Variants in COL13A1 observed in about 807,000 individuals in gnomAD.
COL13A1 encodes collagen alpha-1(XIII) chain.
A neutral mutation model predicts 130.9 loss-of-function variants in COL13A1; 89 were observed. That is an observed-to-expected ratio of 0.68 (90% confidence interval 0.57 to 0.81). COL13A1 has a LOEUF of 0.81. COL13A1 is among the 30% of genes least tolerant of loss of function. The pLI is 0.00. For missense variants in COL13A1, 879 were observed against 934.6 expected (o/e 0.94, Z 0.78); for synonymous variants, 402 against 341.6 (o/e 1.18, Z -1.95).
intron 7 of COL13A1, among the ~76,000 whole-genome samples, chr10:69,882,990 G>T (rs1256164270): frequency 2.0e-5 from 3 of 152,224 alleles, no homozygotes; most frequent in Non-Finnish European, 2.9e-5. Context: ...CTTGGTGGCA[G>T]CCAGGGATGA....
intron 22 of COL13A1, 134 bp downstream of exon 22, chr10:69,922,069 C>T: frequency 8.5e-7 from 1 of 1,179,316 alleles, no homozygotes; most frequent in Non-Finnish European, 1.2e-6. Flanking sequence ...TGGAACACAG[C>T]CAGATTCTGT....
chr10:69,823,411 C>T (rs1846623776), intron 2 of COL13A1, among the ~76,000 whole-genome samples: 1 of 152,166 alleles, frequency 6.6e-6, no homozygotes, highest in Non-Finnish European at 1.5e-5. Flanking sequence ...GACAAGGTAT[C>T]ACATTTAAGT....
chr10:69,815,035 G>A (rs1047066175), intron 1 of COL13A1, among the ~76,000 whole-genome samples: 2 of 152,186 alleles, frequency 1.3e-5, no homozygotes, highest in African/African-American at 2.4e-5. Flanking sequence ...TTGCCTCTGC[G>A]TTATCTCATT....
intron 38 of COL13A1, among the ~76,000 whole-genome samples, chr10:69,949,025 C>T (rs1334194265): frequency 6.6e-6 from 1 of 152,190 alleles, no homozygotes; most frequent in Non-Finnish European, 1.5e-5. Context: ...AGGTGGCACG[C>T]ACCTTTCTTT....
chr10:69,927,656 C>T (rs2065551073), intron 27 of COL13A1, among the ~76,000 whole-genome samples: 1 of 152,136 alleles, frequency 6.6e-6, no homozygotes, highest in Non-Finnish European at 1.5e-5. Flanking sequence ...AGTTTAACTT[C>T]TAAGGTAGAG....
rs1016432722 is a variant in COL13A1, at chr10:69,827,313, T to G, written c.364+4875T>G. On this transcript the variant is annotated intron_variant, in intron 2 of 40. Transcript: ENST00000645393. ...CCTCTGTCCAGTAGGAGGCAAATGA[T>G]TTCATCCAGAGGGTGATTGATTGGT... Among the ~76,000 whole-genome samples, 5 of 152,288 alleles carry G rather than the reference T, an allele frequency of 3.3e-5. No homozygotes were observed. The South Asian group carries it at 1.0e-3, about 32-fold the overall frequency.
At chr10:69,942,551 C>T (rs79996378) in intron 35 of COL13A1, among the ~76,000 whole-genome samples, 4,650 of 152,258 alleles carry the variant, frequency 0.031, 94 homozygotes, top group Non-Finnish European at 0.039. Context: ...CTTTATTTTC[C>T]TCATAAAATC....
chr10:69,802,814 T>G, intron 1 of COL13A1, 97 bp downstream of exon 1: 6 of 1,487,944 alleles, frequency 4.0e-6, no homozygotes, highest in Non-Finnish European at 5.5e-6. Context: ...GCTCGCTCTC[T>G]GCGAGCCCCA....
chr10:69,883,105 A>T (rs758558946), intron 7 of COL13A1, among the ~76,000 whole-genome samples: 6 of 152,126 alleles, frequency 3.9e-5, no homozygotes, highest in Non-Finnish European at 8.8e-5. Flanking sequence ...CCCCTCTTGG[A>T]GTTTGATAAA....
At chr10:69,927,164 T>A in intron 27 of COL13A1, 54 bp downstream of exon 27, 4 of 1,608,476 alleles carry the variant, frequency 2.5e-6, no homozygotes, top group Non-Finnish European at 3.4e-6. Flanking sequence ...GGGCTGGGGA[T>A]GGCAGCCTGG....
chr10:69,896,199 T>A (rs1185646784), intron 13 of COL13A1, among the ~76,000 whole-genome samples: 2 of 152,106 alleles, frequency 1.3e-5, no homozygotes, highest in Non-Finnish European at 2.9e-5. Flanking sequence ...CAGGCTGAGA[T>A]GGTTCCTCTG....
At chr10:69,891,341 C>T (rs1006990352) in intron 10 of COL13A1, among the ~76,000 whole-genome samples, 8 of 152,106 alleles carry the variant, frequency 5.3e-5, no homozygotes, top group Admixed American at 6.5e-5. Flanking sequence ...AGCATTCAAC[C>T]GAGAGAAAAT....
rs373143216 is a variant in COL13A1 at position 69,889,435 on chromosome 10, G to A, written c.598G>A (p.Asp200Asn). 139 of 1,611,784 alleles carry A rather than the reference G, an allele frequency of 8.6e-5. No homozygotes were observed. The highest frequency in any genetic ancestry group is 1.0e-4 in the Non-Finnish European group (123 of 1,179,152). Residue 200 changes from aspartate to asparagine, a missense_variant, in exon 10 of 41, where the codon GAC (aspartate) becomes AAC (asparagine). Asp to Asn is a conservative substitution (Grantham distance 23, BLOSUM62 1). Coordinates refer to ENST00000645393, the MANE Select transcript of COL13A1 (RefSeq NM_001368882.1). ...GKPGHPGPKGDMGLTGPPGQP... is the reference protein window; with the variant it reads ...GKPGHPGPKGNMGLTGPPGQP... ...CCAGGGCCACCCAGGACCAAAGGGC[G>A]ACATGGTAAGAGCCCAGCTTTCCTG...
At chr10:69,841,439 A>C (rs1851578638) in intron 2 of COL13A1, among the ~76,000 whole-genome samples, 2 of 152,326 alleles carry the variant, frequency 1.3e-5, no homozygotes, top group Middle Eastern at 3.4e-3. Context: ...GCACGGAATA[A>C]ATGCTCTTCA....
At chr10:69,880,686 G>A in intron 7 of COL13A1, 133 bp downstream of exon 7, 1 of 914,476 alleles carries the variant, frequency 1.1e-6, no homozygotes, top group Non-Finnish European at 1.7e-6. Flanking sequence ...ATGTGATGTG[G>A]TCAGCCCAGC....
At chr10:69,824,677 T>G (rs781417968) in intron 2 of COL13A1, among the ~76,000 whole-genome samples, 10 of 152,088 alleles carry the variant, frequency 6.6e-5, no homozygotes, top group Non-Finnish European at 1.3e-4. Flanking sequence ...CTTGGTCCTC[T>G]GCGGGGAAGG....
At chr10:69,898,897 C>A in intron 14 of COL13A1, 135 bp downstream of exon 14, 2 of 620,418 alleles carry the variant, frequency 3.2e-6, no homozygotes, top group Non-Finnish European at 5.5e-6. Flanking sequence ...CCCACGTATA[C>A]CATAGACATG....
intron 36 of COL13A1, among the ~76,000 whole-genome samples, chr10:69,945,385 C>T (rs112800240): frequency 0.036 from 5,558 of 152,314 alleles, 129 homozygotes; most frequent in Non-Finnish European, 0.055. Context: ...CTGCTTTCTT[C>T]GCCCCTGTTT....
chr10:69,829,980 A>G (rs746469092), intron 2 of COL13A1, among the ~76,000 whole-genome samples: 2 of 152,210 alleles, frequency 1.3e-5, no homozygotes, highest in African/African-American at 2.4e-5. Flanking sequence ...ATCCGCTCTG[A>G]TAACACTGGG....
Sources: gnomAD v4.1 joint callset for allele counts (sites outside exome capture counted in the v4.1 genomes callset) on GRCh38, gnomAD v4.1.1 for gene constraint, MANE v1.5 for transcripts, NCBI Gene and HGNC (gene_info 2026-07-23, HGNC 2026-07-21) for gene names.